The following PRH1 variants were observed in gnomAD, a reference collection of about 807,000 sequenced individuals.
PRH1 encodes proline rich protein HaeIII subfamily 1.
PRH1 carries 7 observed loss-of-function variants against 7.9 expected under a neutral mutation model. The ratio of observed to expected loss-of-function variants is 0.89; its 90% CI spans 0.50 to 1.67. The LOEUF is 1.67. PRH1 is among the 40% of genes most tolerant of loss of function. The pLI, the probability that PRH1 is intolerant of heterozygous loss-of-function variation, is 0.00. For synonymous variants in PRH1, 45 were observed against 80.8 expected, an observed-to-expected ratio of 0.56 and a Z score of 2.38; for missense variants, 109 against 223.6, an observed-to-expected ratio of 0.49 and a Z score of 3.27.
intron 1 of PRH1, among the ~76,000 whole-genome samples, chr12:11,159,862 G>A (rs1405213882): frequency 6.6e-6 from 1 of 152,118 alleles, no homozygotes; most frequent in Non-Finnish European, 1.5e-5. Context: ...AAAATAGTTT[G>A]TTCTATTTAT....
At chr12:10,924,622 G>A (rs1033559564) in intron 2 of PRH1, among the ~76,000 whole-genome samples, 10 of 152,122 alleles carry the variant, frequency 6.6e-5, no homozygotes, top group East Asian at 1.9e-4. Flanking sequence ...CTGTGATTCC[G>A]TCTGGTCCTG....
At chr12:10,903,941 A>AAAAAAAAAAAAAAACAAAAC (rs1949762913) in intron 2 of PRH1, among the ~76,000 whole-genome samples, 1 of 144,998 alleles carries the variant, frequency 6.9e-6, no homozygotes, top group Non-Finnish European at 1.5e-5. Context: ...CAAAAAAAAA[A>AAAAAAAAAAAAAAACAAAAC]AAAAAAAAAA....
At position 11,082,889 on chromosome 12, in the gene PRH1, C is replaced by A. The variant is rs779311691; in HGVS notation, n.124-35701G>T. Among the ~76,000 whole-genome samples the A allele has an allele frequency of 8.7e-5, 10 of 115,470 alleles. 4 individuals are homozygous for A. The highest frequency in any genetic ancestry group is 1.2e-4 in the Non-Finnish European group (6 of 48,922). The allele number at this position is 115,470 out of a possible 152,430, so 75.8% of individuals were successfully genotyped here. A position where few individuals can be genotyped will look rare whatever the true frequency, so the allele number is the denominator to read the frequency against. Reference sequence around the variant, plus strand: ...AATAGCATCACTAACAAGTTAAATTCTCTCAACTGCTTAATTTCATTCTCA... The same window carrying A: ...AATAGCATCACTAACAAGTTAAATTATCTCAACTGCTTAATTTCATTCTCA... On this transcript the variant is annotated intron_variant and non_coding_transcript_variant, in intron 1 of 4. Coordinates refer to the PRH1 transcript ENST00000541977.
chr12:10,953,188 A>T (rs1474609202), intron 2 of PRH1, among the ~76,000 whole-genome samples: 1 of 152,212 alleles, frequency 6.6e-6, no homozygotes. Flanking sequence ...GATGAGAAAG[A>T]ATCAGCACAA....
chr12:11,037,169 A>G (rs1161671569), intron 1 of PRH1, among the ~76,000 whole-genome samples: 1 of 152,196 alleles, frequency 6.6e-6, no homozygotes, highest in African/African-American at 2.4e-5. Context: ...ACTAACATGG[A>G]CAAATAGTCT....
At chr12:10,919,510 TAG>T (rs1950017003) in intron 2 of PRH1, among the ~76,000 whole-genome samples, 1 of 152,184 alleles carries the variant, frequency 6.6e-6, no homozygotes, top group Admixed American at 6.5e-5. Flanking sequence ...TTAAAGGCAG[TAG>T]AGTCTTATTT....
At chr12:10,941,696 C>T (rs954258584) in intron 2 of PRH1, among the ~76,000 whole-genome samples, 2 of 152,002 alleles carry the variant, frequency 1.3e-5, no homozygotes, top group Admixed American at 1.3e-4. Context: ...AGCTTAATAA[C>T]TAACCTCCTG....
chr12:11,042,978 G>T (rs1312424599), intron 1 of PRH1, among the ~76,000 whole-genome samples: 1 of 151,912 alleles, frequency 6.6e-6, no homozygotes. Context: ...ACCAGACAAA[G>T]ACACATTGAA....
upstream of PRH1, chr12:10,884,389 T>C (rs1949458366): frequency 4.2e-6 from 3 of 714,476 alleles, no homozygotes; most frequent in African/African-American, 3.5e-5. Flanking sequence ...ATCCCTCATT[T>C]CTTTTGGGAC....
chr12:10,892,436 G>C (rs905217314), intron 2 of PRH1, among the ~76,000 whole-genome samples: 1 of 152,132 alleles, frequency 6.6e-6, no homozygotes, highest in Non-Finnish European at 1.5e-5. Flanking sequence ...TGAGTCCAGA[G>C]GTAAGGGGGA....
intron 1 of PRH1, chr12:11,092,115 G>C (rs775525781): frequency 6.6e-7 from 1 of 1,510,894 alleles, no homozygotes; most frequent in African/African-American, 1.4e-5. Context: ...GAGATCTTTT[G>C]TCTCTTGAAC....
intron 1 of PRH1, among the ~76,000 whole-genome samples, chr12:11,064,575 A>G (rs1422460173): frequency 6.6e-6 from 1 of 152,124 alleles, no homozygotes; most frequent in Non-Finnish European, 1.5e-5. Context: ...AAAGTTTAAA[A>G]GATAATTTAA....
intron 1 of PRH1, chr12:10,997,761 G>A: frequency 1.2e-6 from 2 of 1,613,886 alleles, no homozygotes; most frequent in African/African-American, 1.3e-5. Flanking sequence ...GAGATCTTTT[G>A]TCTCTTGACC....
Position 11,105,937 on chromosome 12 carries a change from T to G in PRH1, n.124-58749A>C, listed in dbSNP as rs958221686. 9.4e-5 allele frequency among the ~76,000 whole-genome samples: 7 copies of G among 74,636 alleles called. 1 individual carries two copies. The highest frequency in any genetic ancestry group is 1.9e-4 in the Non-Finnish European group (6 of 31,796). 49.0% of individuals were successfully genotyped at this position (74,636 alleles called of 152,430 possible). On this transcript the variant is annotated intron_variant and non_coding_transcript_variant, in intron 1 of 4. Transcript: ENST00000541977. ...CCTAATACTTTTGAATAACTTATTC[T>G]TTTTTTTTTTTTTTTTTTTTTGAGA...
At chr12:11,086,048 G>A (rs1748074772) in intron 1 of PRH1, among the ~76,000 whole-genome samples, 1 of 137,376 alleles carries the variant, frequency 7.3e-6, no homozygotes, top group African/African-American at 2.6e-5. Context: ...TCTGGTTGCT[G>A]TTAACTAATA....
At chr12:11,102,821 A>G (rs1336557434) in intron 1 of PRH1, among the ~76,000 whole-genome samples, 2 of 152,244 alleles carry the variant, frequency 1.3e-5, no homozygotes, top group Non-Finnish European at 2.9e-5. Context: ...CAGAATCTAC[A>G]AAGAACTTAA....
intron 2 of PRH1, among the ~76,000 whole-genome samples, chr12:10,910,026 A>G (rs1279472621): frequency 6.6e-6 from 1 of 152,164 alleles, no homozygotes; most frequent in Non-Finnish European, 1.5e-5. Context: ...CTTAAAAGTG[A>G]TAAAAAAACA....
chr12:10,993,113 A>G (rs928484283), intron 1 of PRH1, among the ~76,000 whole-genome samples: 1 of 152,208 alleles, frequency 6.6e-6, no homozygotes, highest in African/African-American at 2.4e-5. Flanking sequence ...ATTAGCATAA[A>G]CTTAAATCAC....
intron 2 of PRH1, among the ~76,000 whole-genome samples, chr12:10,937,186 C>T (rs1198522420): frequency 6.6e-6 from 1 of 150,504 alleles, no homozygotes; most frequent in African/African-American, 2.4e-5. Flanking sequence ...CCATTTGCCT[C>T]TAAGGTTGCA....
Sources: gnomAD v4.1 joint callset for allele counts (sites outside exome capture counted in the v4.1 genomes callset) on GRCh38, gnomAD v4.1.1 for gene constraint, MANE v1.5 for transcripts, NCBI Gene and HGNC (gene_info 2026-07-23, HGNC 2026-07-21) for gene names.